C11orf54: variants seen among roughly 807,000 people sequenced by gnomAD.
C11orf54 encodes beta-keto L-gulonate decarboxylase.
A neutral mutation model predicts 35.5 loss-of-function variants in C11orf54; 29 were observed. The observed-to-expected ratio is 0.82, with a 90% CI of 0.61 to 1.11. The LOEUF (loss-of-function observed/expected upper bound fraction) is 1.11. C11orf54 is among the 50% of genes most tolerant of loss of function. C11orf54 has a pLI of 0.00. For missense variants in C11orf54, 373 were observed against 369.2 expected (o/e 1.01, Z -0.08); for synonymous variants, 108 against 121.1 (o/e 0.89, Z 0.71).
At chr11:93,745,749 A>C (rs537394185) in intron 1 of C11orf54, 14 of 152,470 alleles carry the variant, frequency 9.2e-5, no homozygotes, top group Middle Eastern at 3.4e-3. Context: ...TGGGAGGCCG[A>C]GGCAAGTGGA....
In C11orf54 at chr11:93,761,107, G is replaced by T. The variant is rs78772318; in HGVS notation, c.775-408G>T. On this transcript the variant is annotated intron_variant, in intron 8 of 8. Coordinates refer to ENST00000354421, the MANE Select transcript of C11orf54 (RefSeq NM_001286069.2). ...AAATAATGCAAGTGTCAGTTGAGAA[G>T]TTACATACGCAATAGAATACCATGC... Among the ~76,000 whole-genome samples the T allele has an allele frequency of 6.3e-3, 963 of 152,304 alleles. 14 individuals carry two copies. The highest frequency in any genetic ancestry group is 0.022 in the African/African-American group (900 of 41,560).
chr11:93,756,312 CAAAA>C (rs35695203), intron 6 of C11orf54, among the ~76,000 whole-genome samples: 1 of 119,832 alleles, frequency 8.3e-6, no homozygotes. Flanking sequence ...AAGACCCTGT[CAAAA>C]AAAAAAAAAA....
Position 93,753,991 on chromosome 11 carries a change from T to C in C11orf54, c.284T>C (p.Leu95Pro). The change falls in exon 5 of 9, where the codon CTT becomes CCT. Residue 95 changes from leucine (L) to proline (P), a missense_variant. Transcript: ENST00000354421. ...KEIKLPGAFI[L>P]GAGAGPFQTL... ...ATCAAGCTGCCTGGAGCCTTTATTC[T>C]TGGAGCAGGAGCAGGTCCATTTCAG... 2 of 1,614,170 alleles carry C rather than the reference T, an allele frequency of 1.2e-6. No homozygotes were observed. The highest frequency in any genetic ancestry group is 2.2e-5 in the East Asian group (1 of 44,864).
chr11:93,751,204 C>G (rs78178203), intron 3 of C11orf54, among the ~76,000 whole-genome samples: 4 of 152,252 alleles, frequency 2.6e-5, no homozygotes, highest in African/African-American at 9.6e-5. Flanking sequence ...ATTCTGGACT[C>G]TAGTTCTGTC....
chr11:93,758,359 C>T (rs574034659), intron 7 of C11orf54, among the ~76,000 whole-genome samples: 1 of 152,358 alleles, frequency 6.6e-6, no homozygotes, highest in Admixed American at 6.5e-5. Context: ...TGCCCAGGCG[C>T]AGCTGCAGCA....
intron 7 of C11orf54, 73 bp from the exon 8 acceptor site, chr11:93,759,669 A>C: frequency 1.0e-5 from 7 of 670,634 alleles, no homozygotes; most frequent in Non-Finnish European, 1.6e-5. Context: ...TAAATAAGTA[A>C]AATATATTTT....
At chr11:93,757,902 G>A (rs1390089273) in intron 7 of C11orf54, among the ~76,000 whole-genome samples, 1 of 152,118 alleles carries the variant, frequency 6.6e-6, no homozygotes, top group African/African-American at 2.4e-5. Context: ...TTTTTATTAT[G>A]ATTGTATTAC....
chr11:93,750,502 G>C, intron 3 of C11orf54, 58 bp downstream of exon 3: 3 of 1,298,944 alleles, frequency 2.3e-6, no homozygotes, highest in Non-Finnish European at 3.3e-6. Flanking sequence ...TCTGAAACTA[G>C]AATTATTTTT....
intron 7 of C11orf54, among the ~76,000 whole-genome samples, chr11:93,757,815 C>T (rs959715981): frequency 1.3e-5 from 2 of 152,112 alleles, no homozygotes; most frequent in East Asian, 1.9e-4. Context: ...AGACGTGAGA[C>T]GCTGCACCGG....
intron 2 of C11orf54, 138 bp downstream of exon 2, chr11:93,747,586 A>C: frequency 2.1e-6 from 1 of 477,662 alleles, no homozygotes; most frequent in Non-Finnish European, 3.4e-6. Context: ...TTTGGTACAG[A>C]ATTCATTTTC....
Position 93,754,030 on chromosome 11 carries a change from A to G in C11orf54, c.323A>G (p.Asn108Ser). 2 of 1,613,474 alleles carry G rather than the reference A, an allele frequency of 1.2e-6. No homozygotes were observed. The highest frequency in any genetic ancestry group is 1.7e-6 in the Non-Finnish European group (2 of 1,179,494). ...GAGPFQTLGF[N>S]SEFMPVIQTE... Reference sequence around the variant, plus strand: ...GGTCCATTTCAGACTCTCGGGTTCAATTCTGAGGTCAGCATATATAAGAAA... The same window carrying G: ...GGTCCATTTCAGACTCTCGGGTTCAGTTCTGAGGTCAGCATATATAAGAAA... Residue 108 changes from asparagine (N) to serine (S), a missense_variant, in exon 5 of 9, where the codon AAT becomes AGT. By Grantham distance (46) the Asn-to-Ser change is conservative (BLOSUM62 1). Transcript: ENST00000354421.
intron 3 of C11orf54, 135 bp from the exon 4 acceptor site, chr11:93,753,547 A>G: frequency 4.2e-6 from 3 of 708,528 alleles, no homozygotes; most frequent in East Asian, 2.7e-5. Flanking sequence ...TCTAGCCACT[A>G]TGTCTTCCAA....
Position 93,754,049 on chromosome 11 carries a change from T to C in C11orf54, c.330+12T>C. 1.3e-6 allele frequency: 2 copies of C among 1,598,596 alleles called. No individual in the cohort carries two copies. The highest frequency in any genetic ancestry group is 1.7e-6 in the Non-Finnish European group (2 of 1,171,806). On this transcript the variant is annotated intron_variant, in intron 5 of 8. Transcript: ENST00000354421. ...GGTTCAATTCTGAGGTCAGCATATA[T>C]AAGAAAATTATTTTACTTTATTGGT...
intron 1 of C11orf54, among the ~76,000 whole-genome samples, chr11:93,744,575 G>A (rs1942339571): frequency 6.6e-6 from 1 of 152,220 alleles, no homozygotes; most frequent in African/African-American, 2.4e-5. Context: ...TAACATTTGG[G>A]AAATCTGGGT....
In C11orf54 at chr11:93,755,644, C is replaced by A. The variant is rs181948463; in HGVS notation, c.507+258C>A. ...GTGTGTGCCTGTAATCCCAGCTACT[C>A]GGGGGGGCTGAGGTGAGAGAATCGC... is the stretch of plus-strand genomic sequence containing the variant. On this transcript the variant is annotated intron_variant, in intron 6 of 8. Transcript: ENST00000354421. Among the ~76,000 whole-genome samples the A allele has an allele frequency of 4.7e-5, 7 of 148,550 alleles. No homozygotes were observed. The East Asian group carries it at 1.4e-3, about 30-fold the overall frequency.
chr11:93,758,892 G>A (rs631177), intron 7 of C11orf54, among the ~76,000 whole-genome samples: 84,321 of 152,124 alleles, frequency 0.55, 24,788 homozygotes, highest in Admixed American at 0.69. Flanking sequence ...AAGGCTGGGG[G>A]CCCAGCTGCC....
Position 93,763,702 on chromosome 11 carries a change from G to A in C11orf54, c.*2014G>A, listed in dbSNP as rs1380657296. On this transcript the variant is annotated 3_prime_UTR_variant, in exon 9 of 9. Coordinates refer to ENST00000354421, the MANE Select transcript of C11orf54 (RefSeq NM_001286069.2). ...GCCCAGAAGTTGGAGGCTACAGTGA[G>A]CTATGATTGTTTCATTGCACTGTAG... 6.6e-6 allele frequency: 1 copy of A among 152,246 alleles called. No individual in the cohort carries two copies. Among genetic ancestry groups the A allele is most frequent in the Non-Finnish European group, 1.5e-5 (1 of 68,136 alleles). 9.4% of individuals were successfully genotyped at this position (152,246 alleles called of 1,614,324 possible). A position where few individuals can be genotyped will look rare whatever the true frequency, so the allele number is the denominator to read the frequency against.
In C11orf54 at chr11:93,759,764, C is replaced by G. The variant is rs2135674524; in HGVS notation, c.680C>G (p.Pro227Arg). The change falls in exon 8 of 9, where the codon CCC (proline) becomes CGC (arginine). Residue 227 changes from proline (P) to arginine (R), a missense_variant. Pro to Arg is a moderately radical substitution (Grantham distance 103, BLOSUM62 -2). Transcript: ENST00000354421. ...TAGCCTGCAGAATTTTCTTCCTGCC[C>G]CTTGAACTCTGATGAAGAAGTGAAT... ...HIMPAEFSSC[P>R]LNSDEEVNKW... 6.2e-7 allele frequency: 1 copy of G among 1,605,198 alleles called. No homozygotes were observed. The highest frequency in any genetic ancestry group is 2.2e-5 in the East Asian group (1 of 44,778).
At position 93,757,110 on chromosome 11, in the gene C11orf54, T is replaced by C. The variant is rs533528670; in HGVS notation, c.508-206T>C. Among the ~76,000 whole-genome samples the C allele has an allele frequency of 2.6e-5, 4 of 152,240 alleles. No individual in the cohort carries two copies. The South Asian group carries it at 8.3e-4, about 32-fold the overall frequency. On this transcript the variant is annotated intron_variant, in intron 6 of 8. Transcript: ENST00000354421. The stretch of plus-strand genomic sequence containing the variant: ...GCTTAAGACTTACTAGTAAATTACA[T>C]GTAACTGATAAGTATGTGTGTGTGT...
Sources: gnomAD v4.1 joint callset for allele counts (sites outside exome capture counted in the v4.1 genomes callset) on GRCh38, gnomAD v4.1.1 for gene constraint, MANE v1.5 for transcripts, NCBI Gene and HGNC (gene_info 2026-07-23, HGNC 2026-07-21) for gene names.